Variants in KCTD20 observed in about 807,000 individuals in gnomAD.
The protein encoded by KCTD20 is BTB/POZ domain-containing protein KCTD20.
Under a neutral mutation model 39.6 loss-of-function variants are expected in KCTD20, and 30 were observed. That is an observed-to-expected ratio of 0.76 (90% CI 0.57 to 1.03). KCTD20 has a LOEUF of 1.03. KCTD20 is among the 50% of genes least tolerant of loss of function. The pLI is 0.00. For missense variants in KCTD20, 422 were observed against 522.0 expected, an observed-to-expected ratio of 0.81 and a Z score of 1.87; for synonymous variants, 162 against 180.6, an observed-to-expected ratio of 0.90 and a Z score of 0.83.
intron 1 of KCTD20, among the ~76,000 whole-genome samples, chr6:36,458,846 GA>G (rs1216374211): frequency 1.3e-5 from 2 of 150,456 alleles, no homozygotes; most frequent in Admixed American, 6.6e-5. Flanking sequence ...TTAAAAAGGG[GA>G]AAAAAAAATT....
chr6:36,459,596 T>A (rs141248307), intron 1 of KCTD20, among the ~76,000 whole-genome samples: 1 of 152,378 alleles, frequency 6.6e-6, no homozygotes, highest in East Asian at 1.9e-4. Flanking sequence ...TGACAGCAAT[T>A]GGTGCTGGTC....
In KCTD20 at chr6:36,470,052, G is replaced by T; in HGVS notation, c.-46G>T. The stretch of plus-strand genomic sequence containing the variant: ...AATCATGCATATTCCTGTGTTCCAG[G>T]ATTTCTCTCTGATCAAACGGACAGT... On this transcript the variant is annotated splice_region_variant and 5_prime_UTR_variant, in exon 2 of 8. Transcript: ENST00000373731. The T allele has an allele frequency of 6.7e-7, 1 of 1,485,862 alleles. No homozygotes were observed. The highest frequency in any genetic ancestry group is 9.1e-7 in the Non-Finnish European group (1 of 1,103,264). 92.0% of individuals were successfully genotyped at this position (1,485,862 alleles called of 1,614,324 possible).
At chr6:36,477,222 G>GAGAGAA (rs1776089567) in intron 3 of KCTD20, among the ~76,000 whole-genome samples, 1 of 152,204 alleles carries the variant, frequency 6.6e-6, no homozygotes, top group South Asian at 2.1e-4. Context: ...GGGAGAAGCT[G>GAGAGAA]AGAGAAAGAG....
intron 1 of KCTD20, among the ~76,000 whole-genome samples, chr6:36,463,458 A>G (rs1025285695): frequency 2.0e-5 from 3 of 152,224 alleles, no homozygotes; most frequent in Admixed American, 6.5e-5. Context: ...GTATATGTAC[A>G]CACATACTTC....
intron 5 of KCTD20, among the ~76,000 whole-genome samples, chr6:36,480,380 T>C (rs138786013): frequency 2.4e-4 from 36 of 151,600 alleles, no homozygotes; most frequent in South Asian, 2.1e-4. Flanking sequence ...ACAGCACAAA[T>C]TGGCCAGGTT....
At chr6:36,453,918 C>A (rs78373049) in intron 1 of KCTD20, among the ~76,000 whole-genome samples, 15,770 of 152,216 alleles carry the variant, frequency 0.1, 1,006 homozygotes, top group Admixed American at 0.22. Flanking sequence ...TTCTCCATTT[C>A]ATTGTGTTCT....
chr6:36,457,053 C>T (rs184897839), intron 1 of KCTD20, among the ~76,000 whole-genome samples: 8 of 152,270 alleles, frequency 5.3e-5, no homozygotes, highest in African/African-American at 1.9e-4. Context: ...CTGCCTCGGC[C>T]TCCCAAAGTG....
At chr6:36,465,886 T>C (rs1190296280) in intron 1 of KCTD20, among the ~76,000 whole-genome samples, 2 of 152,266 alleles carry the variant, frequency 1.3e-5, no homozygotes, top group African/African-American at 4.8e-5. Context: ...ATATTCTGGG[T>C]TCCATTATTA....
intron 1 of KCTD20, among the ~76,000 whole-genome samples, chr6:36,457,606 T>C (rs1446002221): frequency 1.3e-5 from 2 of 152,084 alleles, no homozygotes; most frequent in Non-Finnish European, 2.9e-5. Flanking sequence ...ACCAGCTACT[T>C]GGGAGGCTGA....
chr6:36,455,045 C>T (rs1335265607), intron 1 of KCTD20, among the ~76,000 whole-genome samples: 1 of 152,314 alleles, frequency 6.6e-6, no homozygotes, highest in South Asian at 2.1e-4. Context: ...AGGATCCTTC[C>T]TCCTCTGCAG....
chr6:36,486,826 T>C (rs995359270), intron 7 of KCTD20, 57 bp from the exon 8 acceptor site: 2 of 1,378,206 alleles, frequency 1.5e-6, no homozygotes, highest in Middle Eastern at 1.8e-4. Context: ...GGAGAAAGTA[T>C]GGACACCAGA....
At chr6:36,483,795 A>G (rs1160914996) in intron 6 of KCTD20, among the ~76,000 whole-genome samples, 1 of 152,072 alleles carries the variant, frequency 6.6e-6, no homozygotes, top group Non-Finnish European at 1.5e-5. Flanking sequence ...TTGTGATTAC[A>G]GGCGTGAGCC....
Position 36,474,797 on chromosome 6 carries a change from C to G in KCTD20, c.169C>G (p.Leu57Val), listed in dbSNP as rs1475937610. 2.5e-6 allele frequency: 4 copies of G among 1,606,642 alleles called. No homozygotes were observed. Among genetic ancestry groups the G allele is most frequent in the African/African-American group, 2.7e-5 (2 of 74,632 alleles). Residue 57 changes from leucine (L) to valine (V), a missense_variant, in exon 3 of 8, where the codon CTT becomes GTT. Coordinates refer to ENST00000373731, the MANE Select transcript of KCTD20 (RefSeq NM_173562.5). ...TTTGTATGTTCTTTTAGACCTCTCA[C>G]TTGACTATGCCTCTCAGCCAGCAAA... Reference protein sequence around the residue: ...PLGPRNEDLSLDYASQPANLQ... With the variant: ...PLGPRNEDLSVDYASQPANLQ...
Position 36,470,238 on chromosome 6 carries a change from TC to T in KCTD20, c.142del (p.Leu48Ter). 1 of 1,611,790 alleles carries T rather than the reference TC, an allele frequency of 6.2e-7. No individual in the cohort carries two copies. The highest frequency in any genetic ancestry group is 1.7e-4 in the Middle Eastern group (1 of 6,050). ...CTGGTCCTCATAATCTTACTTATCC[TC>T]TAGGTCCCAGGAATGAAGGTACAGT... ...SSGPHNLTYP[L>X]GPRNEDLSLD... On this transcript the variant is annotated frameshift_variant, in exon 2 of 8. Transcript: ENST00000373731. LOFTEE classifies it high-confidence loss of function.
At chr6:36,468,295 A>AT (rs2127443254) in intron 1 of KCTD20, among the ~76,000 whole-genome samples, 1 of 152,334 alleles carries the variant, frequency 6.6e-6, no homozygotes, top group African/African-American at 2.4e-5. Context: ...AAACTAGGAC[A>AT]TTTTTTATAC....
At chr6:36,446,501 T>C (rs187194628) in intron 1 of KCTD20, among the ~76,000 whole-genome samples, 40 of 152,332 alleles carry the variant, frequency 2.6e-4, no homozygotes, top group Non-Finnish European at 4.6e-4. Context: ...AATTTAAGAC[T>C]GATGGCTAGG....
At chr6:36,476,499 G>A (rs533199024) in intron 3 of KCTD20, among the ~76,000 whole-genome samples, 4 of 150,080 alleles carry the variant, frequency 2.7e-5, no homozygotes, top group Non-Finnish European at 4.4e-5. Context: ...GTGCAATCTC[G>A]GCTCACTGCA....
chr6:36,443,984 T>TGTA (rs1774956947), intron 1 of KCTD20, among the ~76,000 whole-genome samples: 1 of 152,218 alleles, frequency 6.6e-6, no homozygotes, highest in East Asian at 1.9e-4. Flanking sequence ...AACAAAGTGT[T>TGTA]GTAGTAGTGT....
At chr6:36,467,726 G>A (rs1233652234) in intron 1 of KCTD20, among the ~76,000 whole-genome samples, 1 of 151,994 alleles carries the variant, frequency 6.6e-6, no homozygotes, top group Non-Finnish European at 1.5e-5. Flanking sequence ...TCCATAGTAC[G>A]CTCTGATCTT....
Sources: gnomAD v4.1 joint callset for allele counts (sites outside exome capture counted in the v4.1 genomes callset) on GRCh38, gnomAD v4.1.1 for gene constraint, MANE v1.5 for transcripts, NCBI Gene and HGNC (gene_info 2026-07-23, HGNC 2026-07-21) for gene names.